The following HDAC6 variants were observed in gnomAD, a reference collection of about 807,000 sequenced individuals.
HDAC6 encodes protein deacetylase HDAC6.
In HDAC6, 5 loss-of-function variants were observed where a neutral mutation model predicts 88.9. The ratio of observed to expected loss-of-function variants is 0.06; its 90% confidence interval spans 0.03 to 0.12. The LOEUF (loss-of-function observed/expected upper bound fraction) is 0.12. Ranked by LOEUF, HDAC6 falls within the 10% of genes least tolerant of loss-of-function variation. HDAC6 has a pLI of 1.00. For synonymous variants in HDAC6, 378 were observed against 398.0 expected (o/e 0.95, Z 0.60); for missense variants, 706 against 1,014.4 (o/e 0.70, Z 4.13).
At chrX:48,823,850 A>G (rs1364459176) in intron 26 of HDAC6, 65 bp downstream of exon 26, 10 of 1,194,304 alleles carry the variant, frequency 8.4e-6, no homozygotes, top group Non-Finnish European at 1.0e-5. Flanking sequence ...TCCAGGTAGG[A>G]GCATGTGATG....
chrX:48,820,679 T>G (rs1175410532), intron 23 of HDAC6, among the ~76,000 whole-genome samples: 1 of 111,928 alleles, frequency 8.9e-6, no homozygotes, highest in Non-Finnish European at 1.9e-5. Flanking sequence ...TCTAACAAGT[T>G]CCTGGGACAA....
upstream of HDAC6, chrX:48,802,060 T>A: frequency 1.1e-6 from 1 of 905,412 alleles, no homozygotes; most frequent in South Asian, 2.4e-5. Flanking sequence ...GGGCAGGGGG[T>A]GGAGCTGGTT....
At chrX:48,816,329 C>T in intron 18 of HDAC6, 60 bp downstream of exon 18, 1 of 1,162,556 alleles carries the variant, frequency 8.6e-7, no homozygotes. Flanking sequence ...GTCTCAGGGG[C>T]TGGAACTTGG....
chrX:48,824,311 C>T lies in HDAC6; in HGVS notation c.3579+17C>T, dbSNP rs782410300. ...CACCACCAGGTGGGCCCTGGGTAGA[C>T]CCTTCGACACGTGCACACTCACCCC... is the stretch of plus-strand genomic sequence containing the variant. On this transcript the variant is annotated intron_variant, in intron 28 of 28. Transcript: ENST00000334136. 6.7e-5 allele frequency: 80 copies of T among 1,199,156 alleles called. No individual in the cohort carries two copies. Among genetic ancestry groups the T allele is most frequent in the Non-Finnish European group, 8.8e-5 (78 of 889,735 alleles).
At chrX:48,802,597 A>G in intron 1 of HDAC6, 66 bp from the exon 2 acceptor site, 2 of 1,158,731 alleles carry the variant, frequency 1.7e-6, no homozygotes, top group South Asian at 3.8e-5. Flanking sequence ...GGAAAAGGGC[A>G]GAGAGGTGGG....
intron 22 of HDAC6, chrX:48,819,905 C>T: frequency 2.0e-6 from 1 of 511,134 alleles, no homozygotes; most frequent in South Asian, 2.5e-5. Context: ...ACCTCTGAGT[C>T]TGTATTTCTT....
rs2062946145 is a variant in HDAC6, at chrX:48,814,267, T to C, written c.807-173T>C. 1.2e-5 allele frequency: 6 copies of C among 481,489 alleles called. No individual in the cohort carries two copies. In the Admixed American group the frequency reaches 1.9e-4, roughly 16 times the overall value. The allele number at this position is 481,489 out of a possible 1,213,427, so 39.7% of individuals were successfully genotyped here. A position where few individuals can be genotyped will look rare whatever the true frequency, so the allele number is the denominator to read the frequency against. ...GTGACTGAATGTAAGGGTAAATTAA[T>C]GGAAGAATGGATTCATGGATTAAAT... On this transcript the variant is annotated intron_variant, in intron 10 of 28. Transcript: ENST00000334136.
Position 48,822,965 on chromosome X carries a change from C to T in HDAC6, c.2566C>T (p.Pro856Ser), listed in dbSNP as rs782168055. The change falls in exon 25 of 29, where the codon CCC becomes TCC. Residue 856 changes from proline to serine, a missense_variant. Physicochemically the swap from Pro to Ser is moderately conservative, Grantham distance 74. Coordinates refer to ENST00000334136, the MANE Select transcript of HDAC6 (RefSeq NM_006044.4). ...TTCTAAGTTGGTCACCAAGAAGGCA[C>T]CCCAACCAGCCAAACCTAGGTTAGC... ...SSSKLVTKKA[P>S]QPAKPRLAER... 4 of 1,204,405 alleles carry T rather than the reference C, an allele frequency of 3.3e-6. No individual in the cohort carries two copies. Among genetic ancestry groups the T allele is most frequent in the Admixed American group, 2.2e-5 (1 of 45,095 alleles).
chrX:48,807,639 A>G (rs1376121550), intron 8 of HDAC6, among the ~76,000 whole-genome samples: 2 of 111,794 alleles, frequency 1.8e-5, no homozygotes, highest in African/African-American at 3.2e-5. Flanking sequence ...CAGCCTCCCA[A>G]GTAGCTGGGA....
At chrX:48,811,756 TATG>T (rs2062905613) in intron 10 of HDAC6, among the ~76,000 whole-genome samples, 1 of 112,304 alleles carries the variant, frequency 8.9e-6, no homozygotes, top group Admixed American at 9.4e-5. Context: ...ACTGTTTTAT[TATG>T]GTGGGTTTTT....
At chrX:48,803,250 A>G in intron 4 of HDAC6, 34 bp downstream of exon 4, 1 of 1,003,603 alleles carries the variant, frequency 1.0e-6, no homozygotes, top group South Asian at 2.0e-5. Context: ...TCTCCAAACC[A>G]CAAAAATACA....
chrX:48,821,231 G>A (rs1231065769), intron 23 of HDAC6, among the ~76,000 whole-genome samples: 3 of 107,122 alleles, frequency 2.8e-5, no homozygotes, highest in East Asian at 2.9e-4. Context: ...TTTTTGAGAC[G>A]TTGTCTTGCT....
chrX:48,809,646 A>G (rs1336134594), intron 10 of HDAC6, among the ~76,000 whole-genome samples: 5 of 110,199 alleles, frequency 4.5e-5, no homozygotes, highest in African/African-American at 1.7e-4. Flanking sequence ...ACAAAAATAC[A>G]GAAAAATTAG....
At chrX:48,822,062 G>T (rs1557030115) in intron 23 of HDAC6, among the ~76,000 whole-genome samples, 4 of 111,616 alleles carry the variant, frequency 3.6e-5, no homozygotes, top group African/African-American at 1.3e-4. Flanking sequence ...AATAGCAACT[G>T]GGATTCCTGT....
chrX:48,806,229 A>C, intron 6 of HDAC6, 139 bp from the exon 7 acceptor site: 1 of 462,547 alleles, frequency 2.2e-6, no homozygotes, highest in Non-Finnish European at 3.9e-6. Flanking sequence ...GAAGAAACAG[A>C]ATGTGTCTTA....
intron 23 of HDAC6, among the ~76,000 whole-genome samples, chrX:48,821,765 C>T (rs1472803110): frequency 8.9e-6 from 1 of 111,769 alleles, no homozygotes; most frequent in Non-Finnish European, 1.9e-5. Context: ...GCCTCGGCCT[C>T]CCAAAGTGCT....
At chrX:48,813,279 C>A (rs1189492475) in intron 10 of HDAC6, 2 of 112,206 alleles carry the variant, frequency 1.8e-5, no homozygotes, top group Non-Finnish European at 3.8e-5. Flanking sequence ...AAGTTTAGAA[C>A]CAAGATTTAT....
intron 8 of HDAC6, among the ~76,000 whole-genome samples, chrX:48,807,714 G>A (rs961475379): frequency 4.5e-5 from 5 of 111,648 alleles, no homozygotes; most frequent in Admixed American, 9.5e-5. Flanking sequence ...GGGTTTCACC[G>A]TGTTGGCCAG....
chrX:48,822,818 G>T (rs782124084), intron 24 of HDAC6, 24 bp downstream of exon 24: 2 of 1,173,297 alleles, frequency 1.7e-6, no homozygotes, highest in Admixed American at 4.8e-5. Flanking sequence ...GGGGTGATGG[G>T]GGGAACCCAG....
Sources: allele counts gnomAD v4.1 joint callset (sites outside exome capture counted in the v4.1 genomes callset), GRCh38; gene constraint gnomAD v4.1.1; transcripts MANE v1.5; gene names NCBI Gene and HGNC (gene_info 2026-07-23, HGNC 2026-07-21).